Variants in RBM26 observed in about 807,000 individuals in gnomAD.
The protein encoded by RBM26 is RNA binding motif protein 26, also known as RNA-binding protein 26.
RBM26 carries 30 observed loss-of-function variants against 123.6 expected under a neutral mutation model. That is an observed-to-expected ratio of 0.24 (90% confidence interval 0.18 to 0.33). The LOEUF (loss-of-function observed/expected upper bound fraction) is 0.33, where lower values mean the gene tolerates loss of function less well. RBM26 is among the 10% of genes least tolerant of loss of function. The pLI, the probability that RBM26 is intolerant of heterozygous loss-of-function variation, is 1.00. For missense variants in RBM26, 947 were observed against 1,203.6 expected, an observed-to-expected ratio of 0.79 and a Z score of 3.15; for synonymous variants, 400 against 404.4, an observed-to-expected ratio of 0.99 and a Z score of 0.13.
intron 13 of RBM26, among the ~76,000 whole-genome samples, chr13:79,353,568 C>T: frequency 6.6e-6 from 1 of 152,168 alleles, no homozygotes; most frequent in Middle Eastern, 3.2e-3. Flanking sequence ...ATAGTGCCAA[C>T]TTCTTCTAAA....
intron 1 of RBM26, among the ~76,000 whole-genome samples, chr13:79,383,533 T>C (rs897796547): frequency 1.3e-5 from 2 of 152,150 alleles, no homozygotes; most frequent in Non-Finnish European, 1.5e-5. Context: ...AAAATAAGTA[T>C]GTTGGGTTTA....
chr13:79,355,086 T>A, intron 12 of RBM26, 134 bp downstream of exon 12: 2 of 754,136 alleles, frequency 2.7e-6, no homozygotes, highest in South Asian at 1.9e-5. Flanking sequence ...TTCAAGTCTT[T>A]ACAGGTAACA....
Position 79,320,219 on chromosome 13 carries a change from T to A in RBM26, c.*402A>T. The A allele has an allele frequency of 1.0e-6, 1 of 960,742 alleles. No individual in the cohort carries two copies. Among genetic ancestry groups the A allele is most frequent in the Non-Finnish European group, 1.2e-6 (1 of 806,400 alleles). 59.5% of individuals were successfully genotyped at this position (960,742 alleles called of 1,614,324 possible). A position where few individuals can be genotyped will look rare whatever the true frequency, so the allele number is the denominator to read the frequency against. On this transcript the variant is annotated 3_prime_UTR_variant, in exon 22 of 22. Transcript: ENST00000438737. ...GAGTACTATGTTATCTATTCAGTTT[T>A]GAAAACATTCATTAAGATTTTAAAT...
chr13:79,397,103 C>T (rs772488097), intron 1 of RBM26, among the ~76,000 whole-genome samples: 1 of 152,150 alleles, frequency 6.6e-6, no homozygotes, highest in South Asian at 2.1e-4. Flanking sequence ...ATCGTTTGAA[C>T]CTGGGAGGTG....
chr13:79,353,983 A>G (rs1283357512), intron 13 of RBM26, among the ~76,000 whole-genome samples: 2 of 152,208 alleles, frequency 1.3e-5, no homozygotes, highest in African/African-American at 2.4e-5. Flanking sequence ...TTAAAACAGT[A>G]TAATATCAAG....
intron 3 of RBM26, among the ~76,000 whole-genome samples, chr13:79,374,403 C>T (rs1264234509): frequency 2.0e-5 from 3 of 152,038 alleles, no homozygotes; most frequent in Admixed American, 1.3e-4. Context: ...AGGAGAATTG[C>T]TTGAACCCAG....
Position 79,319,948 on chromosome 13 carries a change from G to GGT in RBM26, c.*672_*673insAC. 9.1e-6 allele frequency: 4 copies of GGT among 438,086 alleles called. No homozygotes were observed. The highest frequency in any genetic ancestry group is 1.0e-5 in the Non-Finnish European group (4 of 396,106). The allele number at this position is 438,086 out of a possible 1,614,324, so 27.1% of individuals were successfully genotyped here. ...TTTTAAATCAAGGAACATTGTCTTG[G>GGT]CTTTTTTTTTTTTTTTTTTTTTGTC... On this transcript the variant is annotated 3_prime_UTR_variant, in exon 22 of 22. Transcript: ENST00000438737.
chr13:79,354,648 C>T lies in RBM26; in HGVS notation c.1855-78G>A, dbSNP rs569420302. 8.3e-5 allele frequency: 109 copies of T among 1,306,944 alleles called. No individual in the cohort carries two copies. In the African/African-American group the frequency reaches 1.5e-3, roughly 18 times the overall value. The allele number at this position is 1,306,944 out of a possible 1,614,324, so 81.0% of individuals were successfully genotyped here. A position where few individuals can be genotyped will look rare whatever the true frequency, so the allele number is the denominator to read the frequency against. ...AGTGACCTGTGTTATTTTGTTACTA[C>T]ATTGCCCATGCAGAGAAAGTTTTTA... On this transcript the variant is annotated intron_variant, in intron 12 of 21. Coordinates refer to ENST00000438737, the MANE Select transcript of RBM26 (RefSeq NM_001366735.2).
intron 20 of RBM26, among the ~76,000 whole-genome samples, chr13:79,328,609 C>G (rs2068790985): frequency 8.5e-6 from 1 of 117,178 alleles, no homozygotes; most frequent in Admixed American, 9.4e-5. Flanking sequence ...GTGGAAAATA[C>G]AGCATAAATG....
chr13:79,350,995 A>C (rs555256946), intron 14 of RBM26, among the ~76,000 whole-genome samples: 1 of 152,346 alleles, frequency 6.6e-6, no homozygotes, highest in East Asian at 1.9e-4. Flanking sequence ...TTTCCCCATA[A>C]ATAGCTTGCT....
At chr13:79,359,809 A>AT (rs61005887) in intron 9 of RBM26, 123 bp from the exon 10 acceptor site, 300 of 63,582 alleles carry the variant, frequency 4.7e-3, no homozygotes, top group Middle Eastern at 8.8e-3. Flanking sequence ...TATATATATA[A>AT]TTTTTTTTTT....
At chr13:79,405,302 CG>C (rs1746316785) in intron 1 of RBM26, among the ~76,000 whole-genome samples, 1 of 152,086 alleles carries the variant, frequency 6.6e-6, no homozygotes, top group African/African-American at 2.4e-5. Context: ...TTAGGTGAAA[CG>C]TGAGTGATTT....
In RBM26 at chr13:79,360,997, A is replaced by G. The variant is rs183423071; in HGVS notation, c.1418-1311T>C. ...AGAACTGAAGATCTGTTTCAGCACA[A>G]TATCTCTCATGGCCACAGCTATGGT... On this transcript the variant is annotated intron_variant, in intron 9 of 21. Coordinates refer to ENST00000438737, the MANE Select transcript of RBM26 (RefSeq NM_001366735.2). Among the ~76,000 whole-genome samples, 484 of 152,194 alleles carry G rather than the reference A, an allele frequency of 3.2e-3. 1 individual carries two copies. The highest frequency in any genetic ancestry group is 5.4e-3 in the Admixed American group (82 of 15,278).
intron 1 of RBM26, among the ~76,000 whole-genome samples, chr13:79,403,003 T>C (rs1261632180): frequency 6.6e-6 from 1 of 152,136 alleles, no homozygotes; most frequent in Non-Finnish European, 1.5e-5. Flanking sequence ...TAAAAAGTTT[T>C]ATGTAAGTTT....
chr13:79,371,950 A>G lies in RBM26; in HGVS notation c.328-20T>C. ...AGTGATCTGATTAAAAAAAAAAAAA[A>G]AAGTGTACAAGTTTAGTAATTATTC... On this transcript the variant is annotated intron_variant, in intron 3 of 21. Coordinates refer to ENST00000438737, the MANE Select transcript of RBM26 (RefSeq NM_001366735.2). The G allele has an allele frequency of 6.5e-7, 1 of 1,527,868 alleles. No homozygotes were observed. Among genetic ancestry groups the G allele is most frequent in the African/African-American group, 1.4e-5 (1 of 72,778 alleles). 94.6% of individuals were successfully genotyped at this position (1,527,868 alleles called of 1,614,324 possible).
chr13:79,376,615 G>A (rs1356738466), intron 3 of RBM26: 1 of 152,214 alleles, frequency 6.6e-6, no homozygotes, highest in Non-Finnish European at 1.5e-5. Context: ...GGGACCTCTT[G>A]AAGTATGAAG....
chr13:79,395,360 A>C (rs2078463684), intron 1 of RBM26, among the ~76,000 whole-genome samples: 1 of 152,208 alleles, frequency 6.6e-6, no homozygotes, highest in Non-Finnish European at 1.5e-5. Context: ...AAACTATTAA[A>C]AAGAGCCAAA....
intron 13 of RBM26, among the ~76,000 whole-genome samples, 159 bp downstream of exon 13, chr13:79,354,280 A>C (rs555849714): frequency 6.6e-6 from 1 of 150,460 alleles, no homozygotes; most frequent in African/African-American, 2.4e-5. Context: ...AATGGTAAAA[A>C]TTAAAAAAAA....
intron 5 of RBM26, among the ~76,000 whole-genome samples, chr13:79,369,288 A>G (rs776361003): frequency 1.3e-5 from 2 of 152,182 alleles, no homozygotes; most frequent in Non-Finnish European, 2.9e-5. Context: ...CTTGGTATGC[A>G]TAATTACAGA....
Sources: allele counts gnomAD v4.1 joint callset (sites outside exome capture counted in the v4.1 genomes callset), GRCh38; gene constraint gnomAD v4.1.1; transcripts MANE v1.5; gene names NCBI Gene and HGNC (gene_info 2026-07-23, HGNC 2026-07-21).